The following RERE variants were observed in gnomAD, a reference collection of about 807,000 sequenced individuals.
The protein encoded by RERE is arginine-glutamic acid dipeptide repeats protein.
Under a neutral mutation model 146.1 loss-of-function variants are expected in RERE, and 40 were observed. The observed-to-expected ratio is 0.27, with a 90% confidence interval of 0.21 to 0.36. The LOEUF (loss-of-function observed/expected upper bound fraction) is 0.36, where lower values mean the gene tolerates loss of function less well. Ranked by LOEUF, RERE falls within the 10% of genes least tolerant of loss-of-function variation. The pLI is 1.00. For missense variants in RERE, 1,933 were observed against 2,138.7 expected, an observed-to-expected ratio of 0.90 and a Z score of 1.90; for synonymous variants, 1,003 against 866.0, an observed-to-expected ratio of 1.16 and a Z score of -2.78.
At chr1:8,374,695 C>A (rs1338289007) in intron 12 of RERE, among the ~76,000 whole-genome samples, 1 of 152,232 alleles carries the variant, frequency 6.6e-6, no homozygotes, top group African/African-American at 2.4e-5. Flanking sequence ...GGAACAAAGG[C>A]CCAGCTGCTT....
At chr1:8,467,855 A>G (rs532297211) in intron 10 of RERE, among the ~76,000 whole-genome samples, 1 of 152,174 alleles carries the variant, frequency 6.6e-6, no homozygotes, top group African/African-American at 2.4e-5. Context: ...CGTGTTAACC[A>G]GAATGGTCTC....
At chr1:8,585,687 A>T (rs1008318681) in intron 4 of RERE, among the ~76,000 whole-genome samples, 1 of 152,196 alleles carries the variant, frequency 6.6e-6, no homozygotes, top group Admixed American at 6.5e-5. Flanking sequence ...TAGGAATTGC[A>T]ATTAGCTGAA....
At chr1:8,739,966 G>A (rs1414478795) in intron 1 of RERE, among the ~76,000 whole-genome samples, 2 of 151,854 alleles carry the variant, frequency 1.3e-5, no homozygotes, top group African/African-American at 4.8e-5. Flanking sequence ...CTGCACATGG[G>A]TTTCCTCTGC....
chr1:8,538,708 A>G (rs1408605483), intron 7 of RERE, among the ~76,000 whole-genome samples: 1 of 152,228 alleles, frequency 6.6e-6, no homozygotes, highest in Non-Finnish European at 1.5e-5. Flanking sequence ...GTCATCCAAC[A>G]CTACTCAAGC....
intron 6 of RERE, among the ~76,000 whole-genome samples, chr1:8,551,154 G>A (rs532767305): frequency 4.0e-5 from 6 of 151,758 alleles, no homozygotes; most frequent in Non-Finnish European, 8.8e-5. Flanking sequence ...CCTCCAAATA[G>A]GAAGCAGGTA....
At chr1:8,502,602 T>C (rs987671126) in intron 8 of RERE, among the ~76,000 whole-genome samples, 12 of 147,720 alleles carry the variant, frequency 8.1e-5, no homozygotes, top group Non-Finnish European at 1.6e-4. Context: ...AGCGGCTCAT[T>C]GGGGATGGGC....
chr1:8,535,096 C>A (rs879453209), intron 7 of RERE, among the ~76,000 whole-genome samples: 16 of 151,946 alleles, frequency 1.1e-4, no homozygotes, highest in Admixed American at 2.0e-4. Flanking sequence ...ACCGTACCTA[C>A]GAATAGCCAC....
chr1:8,383,029 T>C (rs1216522574), intron 12 of RERE, among the ~76,000 whole-genome samples: 1 of 147,938 alleles, frequency 6.8e-6, no homozygotes, highest in African/African-American at 2.5e-5. Context: ...AAAAAAAAAG[T>C]CTTTCAAAGA....
intron 8 of RERE, among the ~76,000 whole-genome samples, chr1:8,504,894 A>T (rs1487300109): frequency 6.6e-6 from 1 of 152,186 alleles, no homozygotes; most frequent in Non-Finnish European, 1.5e-5. Context: ...AATTACAATT[A>T]AAAAAGAGAC....
intron 1 of RERE, among the ~76,000 whole-genome samples, chr1:8,752,331 G>C (rs4908511): frequency 0.54 from 82,176 of 151,688 alleles, 22,940 homozygotes; most frequent in East Asian, 0.83. Flanking sequence ...TTGTACTAAA[G>C]CATAGCTCAG....
At position 8,369,688 on chromosome 1, in the gene RERE, G is replaced by A. The variant is rs568677269; in HGVS notation, c.1285-3714C>T. ...TGGAAATACAGAATGCTCAAACCAC[G>A]ATATCTACCAAACAACCCAGCAATT... On this transcript the variant is annotated intron_variant, in intron 12 of 22. Coordinates refer to ENST00000400908, the MANE Select transcript of RERE (RefSeq NM_001042681.2). Among the ~76,000 whole-genome samples, 7 of 151,660 alleles carry A rather than the reference G, an allele frequency of 4.6e-5. No individual in the cohort carries two copies. The South Asian group carries it at 1.0e-3, about 23-fold the overall frequency.
Position 8,635,706 on chromosome 1 carries a change from G to A in RERE, c.326-11326C>T, listed in dbSNP as rs80231624. On this transcript the variant is annotated intron_variant, in intron 2 of 22. Transcript: ENST00000400908. ...AAACAAAGTATATGAAAGACCCTTT[G>A]TCTTATAGGCAAGTCTTGTCAAGGT... 3.3e-5 allele frequency among the ~76,000 whole-genome samples: 5 copies of A among 152,276 alleles called. No homozygotes were observed. In the East Asian group the frequency reaches 9.6e-4, roughly 29 times the overall value.
intron 1 of RERE, among the ~76,000 whole-genome samples, chr1:8,681,161 G>C (rs138592495): frequency 6.6e-6 from 1 of 152,234 alleles, no homozygotes; most frequent in African/African-American, 2.4e-5. Flanking sequence ...AACGGGGCAG[G>C]GGGCAGGAGA....
chr1:8,389,127 TGAAATCTTC>T (rs1317553952), intron 12 of RERE, among the ~76,000 whole-genome samples: 1 of 152,214 alleles, frequency 6.6e-6, no homozygotes, highest in Non-Finnish European at 1.5e-5. Context: ...AAGGGTGACA[TGAAATCTTC>T]AAAATTATCA....
In RERE at chr1:8,433,553, C is replaced by CTTTT. The variant is rs35096712; in HGVS notation, c.1204-10750_1204-10747dup. ...CCTCTGAGTAACAGTCCATTCATTT[C>CTTTT]TTTTTTTTTTTTTTTTTTGAGACGG... On this transcript the variant is annotated intron_variant, in intron 11 of 22. Coordinates refer to ENST00000400908, the MANE Select transcript of RERE (RefSeq NM_001042681.2). 9.4e-4 allele frequency among the ~76,000 whole-genome samples: 122 copies of CTTTT among 130,192 alleles called. 1 individual carries two copies. The highest frequency in any genetic ancestry group is 8.0e-3 in the Middle Eastern group (2 of 250). 85.4% of individuals were successfully genotyped at this position (130,192 alleles called of 152,430 possible).
chr1:8,509,443 TCC>T (rs1383184089), intron 7 of RERE, among the ~76,000 whole-genome samples: 1 of 151,942 alleles, frequency 6.6e-6, no homozygotes, highest in Non-Finnish European at 1.5e-5. Context: ...CATCCGTCCG[TCC>T]GTCCGTCCAT....
chr1:8,673,730 G>T (rs1041648781), intron 1 of RERE, among the ~76,000 whole-genome samples: 3 of 152,180 alleles, frequency 2.0e-5, no homozygotes, highest in African/African-American at 7.2e-5. Context: ...TGTAAAAAAT[G>T]GAGTGAAAAA....
chr1:8,623,185 G>A (rs1371522512), intron 3 of RERE, among the ~76,000 whole-genome samples: 2 of 152,160 alleles, frequency 1.3e-5, no homozygotes, highest in South Asian at 2.1e-4. Flanking sequence ...GGTAGCTCAC[G>A]TTTGTAATCC....
intron 7 of RERE, among the ~76,000 whole-genome samples, chr1:8,532,739 T>C (rs1219791508): frequency 6.6e-6 from 1 of 151,218 alleles, no homozygotes; most frequent in African/African-American, 2.4e-5. Flanking sequence ...GGGTTACAGG[T>C]GCACGCCACC....
Sources: allele counts gnomAD v4.1 joint callset (sites outside exome capture counted in the v4.1 genomes callset), GRCh38; gene constraint gnomAD v4.1.1; transcripts MANE v1.5; gene names NCBI Gene and HGNC (gene_info 2026-07-23, HGNC 2026-07-21).